The following CTNNA3 variants were observed in gnomAD, a reference collection of about 807,000 sequenced individuals.
CTNNA3 encodes catenin alpha-3.
In CTNNA3, 76 loss-of-function variants were observed where a neutral mutation model predicts 95.7. The ratio of observed to expected loss-of-function variants is 0.79; its 90% CI spans 0.66 to 0.96. CTNNA3 has a LOEUF of 0.96. CTNNA3 is among the 40% of genes least tolerant of loss of function. The probability of loss-of-function intolerance (pLI) is 0.00; values close to 1 mark genes in which losing one functional copy is unlikely to be tolerated. For synonymous variants in CTNNA3, 431 were observed against 374.4 expected (o/e 1.15, Z -1.74); for missense variants, 1,191 against 1,089.8 (o/e 1.09, Z -1.31).
intron 5 of CTNNA3, among the ~76,000 whole-genome samples, chr10:67,337,393 GAGT>G (rs565529194): frequency 3.9e-5 from 6 of 152,332 alleles, no homozygotes; most frequent in African/African-American, 1.2e-4. Context: ...TTGAATGGAG[GAGT>G]AGTTGCTTCT....
At chr10:67,410,091 G>T (rs1032966109) in intron 5 of CTNNA3, among the ~76,000 whole-genome samples, 4 of 152,046 alleles carry the variant, frequency 2.6e-5, no homozygotes, top group Non-Finnish European at 5.9e-5. Context: ...CAATAGAAAA[G>T]ATATAGAATC....
At chr10:66,014,217 G>C (rs1331363312) in intron 15 of CTNNA3, among the ~76,000 whole-genome samples, 2 of 151,952 alleles carry the variant, frequency 1.3e-5, no homozygotes, top group African/African-American at 4.8e-5. Context: ...ACGTGTTTTG[G>C]GTGCATTTAA....
chr10:66,935,995 C>T (rs560962135), intron 7 of CTNNA3, among the ~76,000 whole-genome samples: 1 of 152,230 alleles, frequency 6.6e-6, no homozygotes, highest in Non-Finnish European at 1.5e-5. Flanking sequence ...CATCCCTCTG[C>T]TAGTTAAAGT....
intron 9 of CTNNA3, among the ~76,000 whole-genome samples, chr10:66,723,130 G>A (rs2132643508): frequency 6.6e-6 from 1 of 152,208 alleles, no homozygotes; most frequent in East Asian, 1.9e-4. Context: ...AAAAGGGAGA[G>A]GAGGGGAGAG....
chr10:66,437,824 C>CTT (rs2093348924), intron 11 of CTNNA3, among the ~76,000 whole-genome samples: 1 of 152,092 alleles, frequency 6.6e-6, no homozygotes, highest in African/African-American at 2.4e-5. Context: ...TTTTCCTCAT[C>CTT]TTTGTGGATT....
chr10:66,859,352 G>A lies in CTNNA3; in HGVS notation c.1048-83828C>T, dbSNP rs909705513. Among the ~76,000 whole-genome samples, 185 of 151,576 alleles carry A rather than the reference G, an allele frequency of 1.2e-3. 5 individuals carry two copies. The highest frequency in any genetic ancestry group is 1.6e-3 in the Non-Finnish European group (106 of 67,862). On this transcript the variant is annotated intron_variant, in intron 7 of 17. Transcript: ENST00000433211. ...CAAACAACCCCATCAAAAAGTGGGCGAAGGACATGAACAGACACTTCTCAA... is the reference window on the plus strand; with the variant it reads ...CAAACAACCCCATCAAAAAGTGGGCAAAGGACATGAACAGACACTTCTCAA...
chr10:66,171,020 C>T (rs1251343186), intron 13 of CTNNA3, among the ~76,000 whole-genome samples: 1 of 152,060 alleles, frequency 6.6e-6, no homozygotes, highest in East Asian at 1.9e-4. Flanking sequence ...ATAATCCCAG[C>T]TACTTGGGAG....
chr10:67,262,325 T>G (rs1279700642), intron 5 of CTNNA3, among the ~76,000 whole-genome samples: 1 of 152,202 alleles, frequency 6.6e-6, no homozygotes. Flanking sequence ...GTGATTTTCT[T>G]GACTTTTCTG....
At chr10:66,734,276 C>T (rs1471625040) in intron 9 of CTNNA3, among the ~76,000 whole-genome samples, 4 of 151,918 alleles carry the variant, frequency 2.6e-5, no homozygotes, top group Non-Finnish European at 5.9e-5. Flanking sequence ...ATCTAAACAA[C>T]ACCTTTTAAG....
intron 5 of CTNNA3, among the ~76,000 whole-genome samples, chr10:67,474,310 T>A (rs974126942): frequency 2.0e-5 from 3 of 152,178 alleles, no homozygotes; most frequent in Admixed American, 6.6e-5. Flanking sequence ...AATGAGGCCA[T>A]CAGGGTGGAC....
chr10:65,977,934 T>C (rs1477980992), intron 16 of CTNNA3, among the ~76,000 whole-genome samples: 1 of 152,204 alleles, frequency 6.6e-6, no homozygotes, highest in African/African-American at 2.4e-5. Context: ...AAGCGATCAG[T>C]GGTAGCAAAA....
intron 15 of CTNNA3, among the ~76,000 whole-genome samples, chr10:66,027,515 A>AT (rs2079366243): frequency 6.6e-6 from 1 of 152,076 alleles, no homozygotes; most frequent in South Asian, 2.1e-4. Context: ...TCTACTGGTA[A>AT]TTTTTCATCT....
At chr10:66,555,144 G>C (rs1029747658) in intron 10 of CTNNA3, among the ~76,000 whole-genome samples, 16 of 152,054 alleles carry the variant, frequency 1.1e-4, no homozygotes, top group Non-Finnish European at 2.2e-4. Context: ...AGTCAGCGTA[G>C]TCTGGTTTCA....
chr10:67,443,042 G>A (rs188207646), intron 5 of CTNNA3, among the ~76,000 whole-genome samples: 4,992 of 146,732 alleles, frequency 0.034, 132 homozygotes, highest in Non-Finnish European at 0.05. Context: ...GAGAACATGC[G>A]GTGTTTGGTT....
chr10:66,740,045 G>C (rs1383492457), intron 9 of CTNNA3, among the ~76,000 whole-genome samples: 1 of 152,178 alleles, frequency 6.6e-6, no homozygotes, highest in Non-Finnish European at 1.5e-5. Flanking sequence ...ATCATTTGGG[G>C]AATCATGTCT....
In CTNNA3 at chr10:66,379,288, A is replaced by C. The variant is rs2092818573; in HGVS notation, c.1596T>G (p.Asn532Lys). The C allele has an allele frequency of 1.2e-6, 2 of 1,614,146 alleles. No individual in the cohort carries two copies. The highest frequency in any genetic ancestry group is 8.5e-7 in the Non-Finnish European group (1 of 1,179,998). Residue 532 changes from asparagine to lysine, a missense_variant, in exon 12 of 18, where the codon AAT becomes AAG. Physicochemically the swap from Asn to Lys is moderately conservative, Grantham distance 94. Transcript: ENST00000433211. ...TGATAGCACCCGCAGCACGGTCTAA[A>C]TTATCAGCATCCTGGTCTCTTAAGG... is the stretch of plus-strand genomic sequence containing the variant. ...IIALRDQDAD[N>K]LDRAAGAIRG...
intron 10 of CTNNA3, among the ~76,000 whole-genome samples, chr10:66,582,093 G>A (rs998416807): frequency 6.6e-6 from 1 of 151,692 alleles, no homozygotes; most frequent in Non-Finnish European, 1.5e-5. Context: ...CTCCAGATTT[G>A]TTCTTTTCGT....
At chr10:66,836,479 C>G (rs2132334885) in intron 7 of CTNNA3, among the ~76,000 whole-genome samples, 1 of 152,196 alleles carries the variant, frequency 6.6e-6, no homozygotes, top group South Asian at 2.1e-4. Flanking sequence ...ACACTCAGAA[C>G]TTGATTTGGG....
chr10:67,744,743 C>CA (rs559695565), intron 1 of CTNNA3, among the ~76,000 whole-genome samples: 14,213 of 144,614 alleles, frequency 0.098, 1,516 homozygotes, highest in African/African-American at 0.26. Flanking sequence ...AAAATTTTTG[C>CA]ACCTACTCAT....
Sources: gnomAD v4.1 joint callset for allele counts (sites outside exome capture counted in the v4.1 genomes callset) on GRCh38, gnomAD v4.1.1 for gene constraint, MANE v1.5 for transcripts, NCBI Gene and HGNC (gene_info 2026-07-23, HGNC 2026-07-21) for gene names.